Variants in CUX1 observed in about 807,000 individuals in gnomAD.
The protein encoded by CUX1 is cut like homeobox 1.
A neutral mutation model predicts 158.8 loss-of-function variants in CUX1; 31 were observed. That is an observed-to-expected ratio of 0.20 (90% CI 0.15 to 0.26). The LOEUF (loss-of-function observed/expected upper bound fraction) is 0.26. Ranked by LOEUF, CUX1 falls within the 10% of genes least tolerant of loss-of-function variation. The pLI, the probability that CUX1 is intolerant of heterozygous loss-of-function variation, is 1.00. For synonymous variants in CUX1, 879 were observed against 862.1 expected (o/e 1.02, Z -0.34); for missense variants, 1,589 against 2,014.6 (o/e 0.79, Z 4.04).
chr7:101,877,556 G>A (rs928495040), intron 1 of CUX1, among the ~76,000 whole-genome samples: 3 of 152,056 alleles, frequency 2.0e-5, no homozygotes, highest in Non-Finnish European at 2.9e-5. Flanking sequence ...GCATGGTGGC[G>A]GGCACGTGTA....
intron 2 of CUX1, among the ~76,000 whole-genome samples, chr7:102,019,521 G>A (rs1157910223): frequency 3.3e-5 from 5 of 152,100 alleles, no homozygotes; most frequent in Admixed American, 2.0e-4. Context: ...CACCATGCCC[G>A]GTCTCATCAT....
At chr7:102,212,074 C>T (rs1336114856) in intron 20 of CUX1, among the ~76,000 whole-genome samples, 4 of 152,168 alleles carry the variant, frequency 2.6e-5, no homozygotes, top group Admixed American at 2.0e-4. Context: ...GTTCCCCAAG[C>T]GCCTCCAGAT....
At chr7:101,926,381 A>T (rs1453428337) in intron 2 of CUX1, among the ~76,000 whole-genome samples, 1 of 152,004 alleles carries the variant, frequency 6.6e-6, no homozygotes, top group Non-Finnish European at 1.5e-5. Flanking sequence ...GGCAATTTGA[A>T]CCTAATTCGG....
chr7:102,128,746 G>C (rs1832911897), intron 8 of CUX1, among the ~76,000 whole-genome samples: 1 of 151,990 alleles, frequency 6.6e-6, no homozygotes. Context: ...GGGAGATCAA[G>C]GCAGGTGGAT....
chr7:102,102,721 A>G (rs534240301), intron 5 of CUX1, among the ~76,000 whole-genome samples: 7 of 152,288 alleles, frequency 4.6e-5, no homozygotes, highest in Admixed American at 4.6e-4. Flanking sequence ...CACAAAGAAA[A>G]TGAGCCTCGC....
Position 102,201,022 on chromosome 7 carries a change from C to A in CUX1, c.2063-338C>A, listed in dbSNP as rs1480290321. 5.2e-5 allele frequency among the ~76,000 whole-genome samples: 4 copies of A among 76,560 alleles called. No homozygotes were observed. The highest frequency in any genetic ancestry group is 9.5e-5 in the Non-Finnish European group (4 of 41,904). 50.2% of individuals were successfully genotyped at this position (76,560 alleles called of 152,430 possible). On this transcript the variant is annotated intron_variant, in intron 17 of 23. Transcript: ENST00000292535. The surrounding 1 kb of genome is among the most constrained non-coding windows in gnomAD (Gnocchi z 5.0). ...AGCCTGGACAACAGCGAGATCCTGT[C>A]GCTAAAAAAAAAAAAAAAAAAAAAA...
chr7:101,973,546 T>C (rs539595317), intron 2 of CUX1, among the ~76,000 whole-genome samples: 11 of 152,288 alleles, frequency 7.2e-5, no homozygotes, highest in African/African-American at 2.4e-4. Flanking sequence ...GTACACTTCA[T>C]ACTGCGTGCA....
At chr7:102,019,692 G>A (rs770772610) in intron 2 of CUX1, among the ~76,000 whole-genome samples, 3 of 152,134 alleles carry the variant, frequency 2.0e-5, no homozygotes, top group South Asian at 2.1e-4. Context: ...AGCCCTTCCC[G>A]TGGTGGAGTT....
At chr7:101,950,125 T>C (rs1310710178) in intron 2 of CUX1, among the ~76,000 whole-genome samples, 1 of 152,128 alleles carries the variant, frequency 6.6e-6, no homozygotes, top group East Asian at 1.9e-4. Context: ...TTCTCGTGCC[T>C]CAGCCTCCCG....
chr7:102,168,795 GTCTT>G (rs1554509524), intron 9 of CUX1, among the ~76,000 whole-genome samples: 2 of 151,892 alleles, frequency 1.3e-5, no homozygotes, highest in African/African-American at 4.8e-5. Context: ...CTTCTTGTTT[GTCTT>G]TCTGAGTCCT....
At chr7:102,244,146 T>C (rs1358628652) in intron 23 of CUX1, among the ~76,000 whole-genome samples, 1 of 152,218 alleles carries the variant, frequency 6.6e-6, no homozygotes, top group Admixed American at 6.5e-5. Context: ...CTAAATGCTT[T>C]GTACAGACCA....
At position 102,250,853 on chromosome 7, in the gene CUX1, A is replaced by G; in HGVS notation, c.*1811A>G. On this transcript the variant is annotated 3_prime_UTR_variant, in exon 24 of 24. Coordinates refer to ENST00000292535, the MANE Select transcript of CUX1 (RefSeq NM_181552.4). Reference sequence around the variant, plus strand: ...AAGTACCTGTGCACACGTAGAGTGCATTACTGCCACCTTTTTCAATAAGCT... The same window carrying G: ...AAGTACCTGTGCACACGTAGAGTGCGTTACTGCCACCTTTTTCAATAAGCT... 1 of 985,446 alleles carries G rather than the reference A, an allele frequency of 1.0e-6. No individual in the cohort carries two copies. 61.0% of individuals were successfully genotyped at this position (985,446 alleles called of 1,614,324 possible). A position where few individuals can be genotyped will look rare whatever the true frequency, so the allele number is the denominator to read the frequency against.
chr7:102,149,609 GC>G (rs1274843998), intron 8 of CUX1, among the ~76,000 whole-genome samples: 1 of 152,204 alleles, frequency 6.6e-6, no homozygotes, highest in Non-Finnish European at 1.5e-5. Flanking sequence ...TCTGAGCTGG[GC>G]CCATCGCCAT....
chr7:102,280,865 G>A, intron 20 of CUX1: 1 of 1,611,362 alleles, frequency 6.2e-7, no homozygotes, highest in Non-Finnish European at 8.5e-7. Context: ...AGCATGGTGA[G>A]TCCCTGCCCC....
intron 2 of CUX1, among the ~76,000 whole-genome samples, chr7:102,017,454 G>A (rs946685335): frequency 1.5e-5 from 2 of 134,758 alleles, no homozygotes; most frequent in African/African-American, 2.8e-5. Context: ...CCTAGAAATT[G>A]AGACCTCACC....
rs540569309 is a variant in CUX1 at position 101,875,525 on chromosome 7, G to A, written c.31-40590G>A. Among the ~76,000 whole-genome samples, 21 of 152,276 alleles carry A rather than the reference G, an allele frequency of 1.4e-4. No homozygotes were observed. The South Asian group carries it at 3.5e-3, about 26-fold the overall frequency. ...GTGCCAAACAGTGAAGGGAAGCTAGGGGAGGATGAAAACTGTGCCTGCTAC... is the reference window on the plus strand; with the variant it reads ...GTGCCAAACAGTGAAGGGAAGCTAGAGGAGGATGAAAACTGTGCCTGCTAC... On this transcript the variant is annotated intron_variant, in intron 1 of 23. Coordinates refer to ENST00000292535, the MANE Select transcript of CUX1 (RefSeq NM_181552.4).
intron 3 of CUX1, among the ~76,000 whole-genome samples, chr7:102,060,039 G>T (rs769018698): frequency 2.6e-5 from 4 of 152,070 alleles, no homozygotes; most frequent in Non-Finnish European, 5.9e-5. Flanking sequence ...ACTTTGGGAG[G>T]CCGAGGTGGG....
intron 4 of CUX1, among the ~76,000 whole-genome samples, chr7:102,075,888 C>T (rs1563209462): frequency 6.6e-6 from 1 of 152,184 alleles, no homozygotes; most frequent in Non-Finnish European, 1.5e-5. Context: ...CTGAGGACTT[C>T]GGCTCTGGGG....
intron 11 of CUX1, among the ~76,000 whole-genome samples, chr7:102,187,272 A>G (rs1169523811): frequency 2.0e-5 from 3 of 151,614 alleles, no homozygotes; most frequent in Non-Finnish European, 4.4e-5. Flanking sequence ...AAGCAGGAGG[A>G]TCACTTGAGC....
Sources: gnomAD v4.1 joint callset for allele counts (sites outside exome capture counted in the v4.1 genomes callset) on GRCh38, gnomAD v4.1.1 for gene constraint, Gnocchi (gnomAD v3.1) non-coding constraint, MANE v1.5 for transcripts, NCBI Gene and HGNC (gene_info 2026-07-23, HGNC 2026-07-21) for gene names.